Variants in FHIT observed in about 807,000 individuals in gnomAD.
The protein encoded by FHIT is fragile histidine triad diadenosine triphosphatase.
A neutral mutation model predicts 17.9 loss-of-function variants in FHIT; 19 were observed. The observed-to-expected ratio is 1.06, with a 90% CI of 0.74 to 1.56. The LOEUF (loss-of-function observed/expected upper bound fraction) is 1.56, where lower values mean the gene tolerates loss of function less well. Ranked by LOEUF, FHIT falls within the 40% of genes most tolerant of loss-of-function variation. The probability of loss-of-function intolerance (pLI) is 0.00; values close to 1 mark genes in which losing one functional copy is unlikely to be tolerated. For synonymous variants in FHIT, 81 were observed against 69.7 expected, an observed-to-expected ratio of 1.16 and a Z score of -0.81; for missense variants, 248 against 189.2, an observed-to-expected ratio of 1.31 and a Z score of -1.82.
intron 4 of FHIT, among the ~76,000 whole-genome samples, chr3:60,637,423 T>C (rs1470870733): frequency 6.6e-6 from 1 of 152,152 alleles, no homozygotes; most frequent in Non-Finnish European, 1.5e-5. Context: ...ACCTCACATA[T>C]AGGAAGGGTA....
intron 3 of FHIT, among the ~76,000 whole-genome samples, chr3:60,948,917 T>G (rs1422377269): frequency 6.6e-6 from 1 of 152,044 alleles, no homozygotes; most frequent in African/African-American, 2.4e-5. Flanking sequence ...CACCCATCAG[T>G]TTTCCATCGC....
intron 4 of FHIT, among the ~76,000 whole-genome samples, chr3:60,692,742 A>T (rs560804429): frequency 1.9e-4 from 29 of 152,314 alleles, no homozygotes; most frequent in African/African-American, 6.5e-4. Context: ...AGTTTGTGTT[A>T]ATTTATTACA....
chr3:60,147,528 A>C (rs961946208), intron 5 of FHIT, among the ~76,000 whole-genome samples: 1 of 152,186 alleles, frequency 6.6e-6, no homozygotes, highest in African/African-American at 2.4e-5. Flanking sequence ...AACATGCGAC[A>C]GGTAGGGATG....
Position 61,206,380 on chromosome 3 carries a change from T to C in FHIT, c.-212-5715A>G, listed in dbSNP as rs188521073. Among the ~76,000 whole-genome samples the C allele has an allele frequency of 1.2e-4, 18 of 146,406 alleles. No homozygotes were observed. In the East Asian group the frequency reaches 3.8e-3, roughly 31 times the overall value. Reference sequence around the variant, plus strand: ...AAAGTCATTGGTAGCTTCATGGGGATGGCATTGAATCTATAAATTACCTTG... The same window carrying C: ...AAAGTCATTGGTAGCTTCATGGGGACGGCATTGAATCTATAAATTACCTTG... On this transcript the variant is annotated intron_variant, in intron 1 of 9. Transcript: ENST00000492590.
At chr3:60,513,879 C>T (rs940302709) in intron 5 of FHIT, among the ~76,000 whole-genome samples, 1 of 152,090 alleles carries the variant, frequency 6.6e-6, no homozygotes, top group South Asian at 2.1e-4. Flanking sequence ...AAACCCCACG[C>T]TCCATGAGCA....
At chr3:60,270,934 C>T (rs921834064) in intron 5 of FHIT, among the ~76,000 whole-genome samples, 3 of 152,148 alleles carry the variant, frequency 2.0e-5, no homozygotes, top group Non-Finnish European at 4.4e-5. Flanking sequence ...CATTAAAAGA[C>T]AACTTTCAAA....
At chr3:61,166,082 C>A (rs1178478366) in intron 2 of FHIT, among the ~76,000 whole-genome samples, 1 of 152,116 alleles carries the variant, frequency 6.6e-6, no homozygotes, top group Non-Finnish European at 1.5e-5. Context: ...CAGGAGGAAT[C>A]CAAATTTGTG....
chr3:60,851,698 A>T (rs1245844904), intron 3 of FHIT, among the ~76,000 whole-genome samples: 2 of 152,150 alleles, frequency 1.3e-5, no homozygotes, highest in Non-Finnish European at 2.9e-5. Flanking sequence ...GAACTTTATC[A>T]TGTCACATAG....
chr3:60,346,583 GTT>G (rs1409927332), intron 5 of FHIT, among the ~76,000 whole-genome samples: 2 of 152,174 alleles, frequency 1.3e-5, no homozygotes, highest in African/African-American at 4.8e-5. Flanking sequence ...TTTGCTGAGA[GTT>G]TGTTTTCTTT....
chr3:60,882,710 C>A (rs1240240869), intron 3 of FHIT, among the ~76,000 whole-genome samples: 1 of 152,022 alleles, frequency 6.6e-6, no homozygotes, highest in Non-Finnish European at 1.5e-5. Flanking sequence ...AGAATAAGTG[C>A]ACCTCAACAT....
At chr3:59,835,031 G>C (rs1701291231) in intron 8 of FHIT, among the ~76,000 whole-genome samples, 1 of 152,114 alleles carries the variant, frequency 6.6e-6, no homozygotes, top group Non-Finnish European at 1.5e-5. Context: ...GATATGCAAA[G>C]ATACCACTTA....
intron 3 of FHIT, among the ~76,000 whole-genome samples, chr3:60,894,559 A>G (rs1705689540): frequency 6.6e-6 from 1 of 152,164 alleles, no homozygotes; most frequent in African/African-American, 2.4e-5. Context: ...GAATGAAATG[A>G]GCTATCTTGA....
chr3:60,471,545 C>T (rs1422506885), intron 5 of FHIT, among the ~76,000 whole-genome samples: 1 of 152,138 alleles, frequency 6.6e-6, no homozygotes, highest in Non-Finnish European at 1.5e-5. Context: ...CCCCCAAGCA[C>T]AAAGATTCTT....
chr3:60,199,571 G>A (rs1021210148), intron 5 of FHIT, among the ~76,000 whole-genome samples: 1 of 152,142 alleles, frequency 6.6e-6, no homozygotes, highest in South Asian at 2.1e-4. Flanking sequence ...GTAATAGCGA[G>A]AGAATTAATG....
intron 5 of FHIT, among the ~76,000 whole-genome samples, chr3:60,443,495 T>G (rs1368920023): frequency 6.6e-6 from 1 of 152,188 alleles, no homozygotes; most frequent in Non-Finnish European, 1.5e-5. Context: ...GCTGTTGAAT[T>G]TTATCAAAGG....
At chr3:60,895,555 A>G (rs1441662949) in intron 3 of FHIT, among the ~76,000 whole-genome samples, 7 of 152,172 alleles carry the variant, frequency 4.6e-5, no homozygotes, top group Admixed American at 4.6e-4. Context: ...GTTGTAAAAA[A>G]GTGATTTTTC....
At chr3:59,980,648 G>C (rs1284370404) in intron 7 of FHIT, among the ~76,000 whole-genome samples, 2 of 152,142 alleles carry the variant, frequency 1.3e-5, no homozygotes, top group Non-Finnish European at 2.9e-5. Context: ...AGGATAGCTT[G>C]TCCCACAAGG....
At chr3:60,734,763 C>T (rs782547365) in intron 4 of FHIT, among the ~76,000 whole-genome samples, 1 of 152,210 alleles carries the variant, frequency 6.6e-6, no homozygotes, top group Non-Finnish European at 1.5e-5. Flanking sequence ...ACTTTAATGC[C>T]TATGCCAGAC....
chr3:60,381,485 AAAAAGAAAAG>A (rs571124759), intron 5 of FHIT, among the ~76,000 whole-genome samples: 20 of 152,178 alleles, frequency 1.3e-4, no homozygotes, highest in African/African-American at 2.9e-4. Flanking sequence ...TCTCAAAAAA[AAAAAGAAAAG>A]AAAAGAAAAG....
Sources: allele counts gnomAD v4.1 joint callset (sites outside exome capture counted in the v4.1 genomes callset), GRCh38; gene constraint gnomAD v4.1.1; transcripts MANE v1.5; gene names NCBI Gene and HGNC (gene_info 2026-07-23, HGNC 2026-07-21).